Variants in USP32 observed in about 807,000 individuals in gnomAD.
USP32 encodes the protein ubiquitin carboxyl-terminal hydrolase 32.
In USP32, 59 loss-of-function variants were observed where a neutral mutation model predicts 204.8. That is an observed-to-expected ratio of 0.29 (90% CI 0.23 to 0.36). The LOEUF (loss-of-function observed/expected upper bound fraction) is 0.36. USP32 is among the 10% of genes least tolerant of loss of function. The pLI is 1.00. For missense variants in USP32, 1,160 were observed against 1,946.4 expected (o/e 0.60, Z 7.60); for synonymous variants, 517 against 678.4 (o/e 0.76, Z 3.70).
At chr17:60,290,720 G>A (rs745658170) in intron 4 of USP32, among the ~76,000 whole-genome samples, 1 of 152,028 alleles carries the variant, frequency 6.6e-6, no homozygotes, top group African/African-American at 2.4e-5. Context: ...TGGGTGGGGG[G>A]CTGCTAGATA....
At chr17:60,254,882 A>C (rs569400327) in intron 10 of USP32, among the ~76,000 whole-genome samples, 86 of 152,128 alleles carry the variant, frequency 5.7e-4, no homozygotes, top group Non-Finnish European at 1.0e-3. Context: ...AAAAGACAAT[A>C]ATGAAGAAAC....
intron 2 of USP32, among the ~76,000 whole-genome samples, chr17:60,343,861 G>A (rs563475462): frequency 1.6e-3 from 245 of 152,014 alleles, no homozygotes; most frequent in Non-Finnish European, 2.9e-3. Context: ...GTGAAACCTC[G>A]TCTCTACTAA....
intron 33 of USP32, among the ~76,000 whole-genome samples, chr17:60,179,818 G>A (rs1468123341): frequency 1.3e-5 from 2 of 151,898 alleles, no homozygotes; most frequent in South Asian, 2.1e-4. Context: ...CTACAGGTGC[G>A]TGCCACCACG....
intron 23 of USP32, 122 bp downstream of exon 23, chr17:60,208,532 A>C: frequency 7.5e-7 from 1 of 1,338,538 alleles, no homozygotes; most frequent in Non-Finnish European, 9.6e-7. Context: ...TAGGTTGCTC[A>C]ATTATAATAT....
chr17:60,227,513 G>T (rs951704068), intron 12 of USP32, among the ~76,000 whole-genome samples: 1 of 151,190 alleles, frequency 6.6e-6, no homozygotes, highest in East Asian at 1.9e-4. Flanking sequence ...CAGGTTATCT[G>T]CCCGCCTGGG....
chr17:60,188,441 C>T (rs1318112946), intron 29 of USP32, among the ~76,000 whole-genome samples: 1 of 151,974 alleles, frequency 6.6e-6, no homozygotes, highest in East Asian at 1.9e-4. Flanking sequence ...GTATTTTTTT[C>T]AATATTGAAG....
chr17:60,241,434 A>T (rs1419240216), intron 11 of USP32, among the ~76,000 whole-genome samples: 5 of 138,774 alleles, frequency 3.6e-5, no homozygotes, highest in South Asian at 2.1e-4. Flanking sequence ...AAAAATTATT[A>T]TTTTTTTTAT....
intron 21 of USP32, among the ~76,000 whole-genome samples, 166 bp downstream of exon 21, chr17:60,210,847 T>C (rs1166496332): frequency 2.6e-5 from 4 of 152,278 alleles, no homozygotes; most frequent in Non-Finnish European, 4.4e-5. Context: ...AGTAGTAATT[T>C]TGCATATATT....
intron 9 of USP32, 41 bp from the exon 10 acceptor site, chr17:60,255,299 T>TC (rs2086269276): frequency 3.9e-6 from 1 of 255,028 alleles, no homozygotes; most frequent in Admixed American, 5.7e-5. Context: ...CTTTTTTTTC[T>TC]TTTTTTTTTT....
chr17:60,372,654 A>C (rs999331290), intron 1 of USP32, among the ~76,000 whole-genome samples: 23 of 151,318 alleles, frequency 1.5e-4, no homozygotes, highest in African/African-American at 5.6e-4. Flanking sequence ...AGTCTGGGTA[A>C]CACAGTAAGA....
intron 1 of USP32, among the ~76,000 whole-genome samples, chr17:60,371,475 A>G (rs1053996992): frequency 1.3e-5 from 2 of 151,968 alleles, no homozygotes; most frequent in African/African-American, 4.8e-5. Context: ...AAGCTGAGGC[A>G]GGAGAATCGC....
intron 1 of USP32, among the ~76,000 whole-genome samples, chr17:60,413,698 C>G (rs71373848): frequency 6.6e-6 from 1 of 151,480 alleles, no homozygotes. Context: ...AACCCTGTCT[C>G]TACTAAAAAT....
intron 20 of USP32, 72 bp downstream of exon 20, chr17:60,211,304 G>A: frequency 6.5e-7 from 1 of 1,546,292 alleles, no homozygotes; most frequent in Non-Finnish European, 8.7e-7. Context: ...GGTGAAAAAA[G>A]AGGAAATTTA....
chr17:60,222,784 T>C (rs2085287727), intron 14 of USP32, among the ~76,000 whole-genome samples: 1 of 150,208 alleles, frequency 6.7e-6, no homozygotes. Context: ...CGGGTTCCAG[T>C]GATTCTCCTG....
intron 1 of USP32, among the ~76,000 whole-genome samples, chr17:60,405,096 T>C (rs995738837): frequency 1.3e-4 from 20 of 151,918 alleles, no homozygotes; most frequent in Admixed American, 1.1e-3. Flanking sequence ...ACCAGGGAGG[T>C]AGAGGCTGCA....
At chr17:60,417,357 G>T (rs573674602) in intron 1 of USP32, among the ~76,000 whole-genome samples, 1 of 152,150 alleles carries the variant, frequency 6.6e-6, no homozygotes, top group East Asian at 1.9e-4. Flanking sequence ...TGTTGCCCAT[G>T]CTGGTCTCTA....
Position 60,196,496 on chromosome 17 carries a change from C to G in USP32, c.3434+1764G>C, listed in dbSNP as rs2084521705. On this transcript the variant is annotated intron_variant, in intron 27 of 33. Transcript: ENST00000300896. ...GTTTTCCTTTAGGATTTATTTAAAT[C>G]TTAAAATAAATACTTTAAACAATTA... 2.0e-5 allele frequency among the ~76,000 whole-genome samples: 3 copies of G among 152,268 alleles called. No individual in the cohort carries two copies. In the South Asian group the frequency reaches 6.2e-4, roughly 32 times the overall value.
intron 1 of USP32, among the ~76,000 whole-genome samples, chr17:60,418,139 G>T (rs1203027284): frequency 6.6e-6 from 1 of 151,880 alleles, no homozygotes; most frequent in African/African-American, 2.4e-5. Context: ...TGTATTTTTA[G>T]TAGAGACGGG....
At chr17:60,391,523 A>C (rs1227734038) in intron 1 of USP32, among the ~76,000 whole-genome samples, 3 of 152,144 alleles carry the variant, frequency 2.0e-5, no homozygotes, top group Non-Finnish European at 4.4e-5. Flanking sequence ...AAGGAATGAT[A>C]GGAGAAAATG....
Sources: allele counts gnomAD v4.1 joint callset (sites outside exome capture counted in the v4.1 genomes callset), GRCh38; gene constraint gnomAD v4.1.1; transcripts MANE v1.5; gene names NCBI Gene and HGNC (gene_info 2026-07-23, HGNC 2026-07-21).